The following CNTNAP5 variants were observed in gnomAD, a reference collection of about 807,000 sequenced individuals.
CNTNAP5 encodes the protein contactin-associated protein-like 5.
In CNTNAP5, 72 loss-of-function variants were observed where a neutral mutation model predicts 150.2. The observed-to-expected ratio is 0.48, with a 90% CI of 0.40 to 0.58. The LOEUF is 0.58. Among genes scored for constraint, CNTNAP5 ranks in the 20% least tolerant of loss-of-function variants. The pLI, the probability that CNTNAP5 is intolerant of heterozygous loss-of-function variation, is 0.00. For missense variants in CNTNAP5, 1,636 were observed against 1,626.2 expected, an observed-to-expected ratio of 1.01 and a Z score of -0.10; for synonymous variants, 672 against 619.8, an observed-to-expected ratio of 1.08 and a Z score of -1.25.
At chr2:124,692,078 G>A (rs1414074762) in intron 13 of CNTNAP5, among the ~76,000 whole-genome samples, 3 of 152,126 alleles carry the variant, frequency 2.0e-5, no homozygotes, top group African/African-American at 4.8e-5. Context: ...CATGGGCAAA[G>A]AAAGGATGAA....
intron 10 of CNTNAP5, among the ~76,000 whole-genome samples, chr2:124,539,043 T>C (rs1695315015): frequency 6.6e-6 from 1 of 152,168 alleles, no homozygotes; most frequent in Admixed American, 6.5e-5. Context: ...TTGAATGCTG[T>C]TTTTCCCTGG....
intron 3 of CNTNAP5, among the ~76,000 whole-genome samples, chr2:124,377,749 G>GA (rs1188299192): frequency 2.7e-5 from 4 of 150,020 alleles, no homozygotes; most frequent in South Asian, 4.2e-4. Context: ...ATCCCTGGGG[G>GA]AAAAAAAATA....
chr2:124,091,021 G>A (rs1266374131), intron 1 of CNTNAP5, among the ~76,000 whole-genome samples: 1 of 152,178 alleles, frequency 6.6e-6, no homozygotes, highest in African/African-American at 2.4e-5. Flanking sequence ...TCCACCTGGG[G>A]GAAGTGTGGA....
chr2:124,152,721 C>T (rs1684435268), intron 1 of CNTNAP5, among the ~76,000 whole-genome samples: 1 of 152,096 alleles, frequency 6.6e-6, no homozygotes, highest in African/African-American at 2.4e-5. Context: ...TGGAGAGGAA[C>T]ATGACAGATT....
At chr2:124,739,141 T>G (rs1411388045) in intron 13 of CNTNAP5, among the ~76,000 whole-genome samples, 1 of 152,092 alleles carries the variant, frequency 6.6e-6, no homozygotes, top group Non-Finnish European at 1.5e-5. Context: ...TCTTTTCTGT[T>G]TCCCCCTCTC....
intron 3 of CNTNAP5, among the ~76,000 whole-genome samples, chr2:124,311,852 C>A (rs1281951127): frequency 2.0e-5 from 3 of 152,174 alleles, no homozygotes; most frequent in Non-Finnish European, 4.4e-5. Context: ...TGGAATCTAA[C>A]TGGGAGAGGC....
At chr2:124,084,240 AT>A (rs1409299964) in intron 1 of CNTNAP5, among the ~76,000 whole-genome samples, 1 of 150,152 alleles carries the variant, frequency 6.7e-6, no homozygotes, top group Non-Finnish European at 1.5e-5. Context: ...TTTTGATCTC[AT>A]TTATTAATTC....
At chr2:124,775,514 T>G (rs1681302250) in intron 17 of CNTNAP5, among the ~76,000 whole-genome samples, 2 of 152,198 alleles carry the variant, frequency 1.3e-5, no homozygotes, top group Non-Finnish European at 2.9e-5. Context: ...TTCAGCATTG[T>G]AATCACTGAC....
At chr2:124,860,784 A>G (rs1332532262) in intron 19 of CNTNAP5, among the ~76,000 whole-genome samples, 1 of 152,030 alleles carries the variant, frequency 6.6e-6, no homozygotes, top group Non-Finnish European at 1.5e-5. Flanking sequence ...TGGGCAGTTT[A>G]CAGAGGCCAG....
At chr2:124,077,517 G>A (rs1187473822) in intron 1 of CNTNAP5, among the ~76,000 whole-genome samples, 2 of 152,156 alleles carry the variant, frequency 1.3e-5, no homozygotes, top group Non-Finnish European at 2.9e-5. Context: ...GATGAACCAA[G>A]CACATAGAAA....
At chr2:124,222,840 C>G (rs1181579036) in intron 2 of CNTNAP5, among the ~76,000 whole-genome samples, 1 of 150,770 alleles carries the variant, frequency 6.6e-6, no homozygotes, top group Non-Finnish European at 1.5e-5. Flanking sequence ...ATGTTTGTTT[C>G]CTGTTTGTCT....
intron 19 of CNTNAP5, among the ~76,000 whole-genome samples, chr2:124,818,699 G>A (rs762025638): frequency 6.6e-6 from 1 of 151,914 alleles, no homozygotes; most frequent in Admixed American, 6.6e-5. Flanking sequence ...CTCTTCCCAG[G>A]CCCCCTGCCC....
chr2:124,605,600 C>A (rs768797042), intron 11 of CNTNAP5, among the ~76,000 whole-genome samples: 1 of 151,702 alleles, frequency 6.6e-6, no homozygotes, highest in African/African-American at 2.4e-5. Context: ...GTGGATCACA[C>A]GGTCAGGAAT....
rs549869010 is a variant in CNTNAP5 at position 124,281,673 on chromosome 2, C to G, written c.381+39280C>G. 2.2e-4 allele frequency among the ~76,000 whole-genome samples: 34 copies of G among 152,256 alleles called. No individual in the cohort carries two copies. In the South Asian group the frequency reaches 7.1e-3, roughly 32 times the overall value. ...GAGGAAACTTGGCAAATGTGGTTCT[C>G]CTGGGACCAATTAGGTAAGAACAGG... On this transcript the variant is annotated intron_variant, in intron 3 of 23. Coordinates refer to ENST00000682447, the MANE Select transcript of CNTNAP5 (RefSeq NM_001367498.1).
At chr2:124,265,988 T>C (rs922982526) in intron 3 of CNTNAP5, among the ~76,000 whole-genome samples, 1 of 152,148 alleles carries the variant, frequency 6.6e-6, no homozygotes, top group Non-Finnish European at 1.5e-5. Context: ...AACCAAAGCT[T>C]ATGAATTCAG....
intron 11 of CNTNAP5, among the ~76,000 whole-genome samples, chr2:124,590,904 A>G (rs1696663936): frequency 6.6e-6 from 1 of 152,222 alleles, no homozygotes. Flanking sequence ...TACTATCATT[A>G]TCTTTAATGA....
At chr2:124,358,843 C>G (rs1690104862) in intron 3 of CNTNAP5, among the ~76,000 whole-genome samples, 1 of 150,556 alleles carries the variant, frequency 6.6e-6, no homozygotes, top group African/African-American at 2.4e-5. Context: ...AGGATTCCCT[C>G]TTTTTCTATT....
At chr2:124,801,111 C>A (rs1244924952) in intron 19 of CNTNAP5, among the ~76,000 whole-genome samples, 1 of 152,152 alleles carries the variant, frequency 6.6e-6, no homozygotes, top group Non-Finnish European at 1.5e-5. Flanking sequence ...GATTTAGAAT[C>A]CTGGACATCT....
chr2:124,247,889 G>C (rs1481558713), intron 3 of CNTNAP5, among the ~76,000 whole-genome samples: 1 of 152,080 alleles, frequency 6.6e-6, no homozygotes, highest in African/African-American at 2.4e-5. Flanking sequence ...CTACATGTAG[G>C]AACATGGTCT....
Sources: allele counts gnomAD v4.1 joint callset (sites outside exome capture counted in the v4.1 genomes callset), GRCh38; gene constraint gnomAD v4.1.1; transcripts MANE v1.5; gene names NCBI Gene and HGNC (gene_info 2026-07-23, HGNC 2026-07-21).